The following CDYL2 variants were observed in gnomAD, a reference collection of about 807,000 sequenced individuals.
CDYL2 encodes chromodomain Y like 2, also known as chromodomain Y-like protein 2.
In CDYL2, 23 loss-of-function variants were observed where a neutral mutation model predicts 49.4. That is an observed-to-expected ratio of 0.47 (90% CI 0.34 to 0.66). CDYL2 has a LOEUF of 0.66. Among genes scored for constraint, CDYL2 ranks in the 30% least tolerant of loss-of-function variants. The probability of loss-of-function intolerance (pLI) is 0.01; values close to 1 mark genes in which losing one functional copy is unlikely to be tolerated. For missense variants in CDYL2, 678 were observed against 656.4 expected (o/e 1.03, Z -0.36); for synonymous variants, 360 against 268.8 (o/e 1.34, Z -3.32).
At chr16:80,756,047 T>G (rs948408765) in intron 1 of CDYL2, among the ~76,000 whole-genome samples, 11 of 152,106 alleles carry the variant, frequency 7.2e-5, no homozygotes, top group Admixed American at 3.3e-4. Context: ...ACACACATAA[T>G]AATTCATAAT....
chr16:80,691,730 G>T (rs1013223647), intron 1 of CDYL2, among the ~76,000 whole-genome samples: 1 of 152,006 alleles, frequency 6.6e-6, no homozygotes, highest in African/African-American at 2.4e-5. Context: ...TAGTATTTGT[G>T]GTGTGTCTTC....
At chr16:80,649,395 A>C (rs1244364962) in intron 2 of CDYL2, among the ~76,000 whole-genome samples, 2 of 152,168 alleles carry the variant, frequency 1.3e-5, no homozygotes, top group Non-Finnish European at 2.9e-5. Flanking sequence ...ATAGCCACAA[A>C]TAAAATTAAA....
chr16:80,702,218 A>ACACACAC, intron 1 of CDYL2, among the ~76,000 whole-genome samples: 1 of 151,492 alleles, frequency 6.6e-6, no homozygotes, highest in African/African-American at 2.4e-5. Flanking sequence ...ACACACACAC[A>ACACACAC]AAACTATAAA....
intron 1 of CDYL2, among the ~76,000 whole-genome samples, chr16:80,689,712 A>G (rs1198124364): frequency 6.6e-6 from 1 of 152,244 alleles, no homozygotes; most frequent in African/African-American, 2.4e-5. Context: ...GATCACTGAT[A>G]CGCGAGGCAC....
chr16:80,630,012 G>A (rs1481155218), intron 3 of CDYL2, among the ~76,000 whole-genome samples: 2 of 152,160 alleles, frequency 1.3e-5, no homozygotes, highest in Admixed American at 1.3e-4. Context: ...ACTTCCCAAG[G>A]TAACAGCATG....
At chr16:80,753,944 C>G (rs1906222816) in intron 1 of CDYL2, among the ~76,000 whole-genome samples, 1 of 152,056 alleles carries the variant, frequency 6.6e-6, no homozygotes, top group South Asian at 2.1e-4. Flanking sequence ...GGTAAAAAAC[C>G]AGGTTTGTGG....
intron 1 of CDYL2, among the ~76,000 whole-genome samples, chr16:80,766,044 G>A (rs1263689250): frequency 6.6e-6 from 1 of 151,878 alleles, no homozygotes; most frequent in Admixed American, 6.6e-5. Flanking sequence ...CATAGAGACG[G>A]AAAGTAGATT....
chr16:80,781,578 C>A (rs1172060995), intron 1 of CDYL2, among the ~76,000 whole-genome samples: 1 of 152,108 alleles, frequency 6.6e-6, no homozygotes, highest in East Asian at 1.9e-4. Flanking sequence ...AACAACAGAG[C>A]ATACATTCTT....
chr16:80,696,157 G>A (rs927453172), intron 1 of CDYL2, among the ~76,000 whole-genome samples: 3 of 152,160 alleles, frequency 2.0e-5, no homozygotes, highest in African/African-American at 7.2e-5. Context: ...CAATGAGTCA[G>A]TGAAGAAATT....
chr16:80,645,704 C>T (rs1908309672), intron 2 of CDYL2, among the ~76,000 whole-genome samples: 1 of 151,924 alleles, frequency 6.6e-6, no homozygotes, highest in South Asian at 2.1e-4. Context: ...ACTGTGGCAC[C>T]ATTCACAATA....
At chr16:80,750,131 T>C (rs563986936) in intron 1 of CDYL2, among the ~76,000 whole-genome samples, 4 of 152,216 alleles carry the variant, frequency 2.6e-5, no homozygotes, top group Non-Finnish European at 5.9e-5. Flanking sequence ...ATATACCTAA[T>C]GTAAATGACA....
intron 1 of CDYL2, among the ~76,000 whole-genome samples, chr16:80,720,485 G>C (rs2142524381): frequency 6.6e-6 from 1 of 152,304 alleles, no homozygotes; most frequent in Middle Eastern, 3.4e-3. Flanking sequence ...ACTCCAACAG[G>C]AAATACTCTA....
At chr16:80,760,801 A>G (rs1162935721) in intron 1 of CDYL2, among the ~76,000 whole-genome samples, 1 of 151,834 alleles carries the variant, frequency 6.6e-6, no homozygotes, top group Non-Finnish European at 1.5e-5. Context: ...AAATTAGAGC[A>G]AGAACATTCA....
At chr16:80,617,471 T>C (rs1315815466) in intron 4 of CDYL2, among the ~76,000 whole-genome samples, 1 of 152,240 alleles carries the variant, frequency 6.6e-6, no homozygotes, top group Admixed American at 6.5e-5. Flanking sequence ...ATCAAGCTCC[T>C]TTCAATGACA....
chr16:80,654,986 T>A (rs933263145), intron 2 of CDYL2, among the ~76,000 whole-genome samples: 10 of 152,266 alleles, frequency 6.6e-5, no homozygotes, highest in Admixed American at 1.3e-4. Context: ...TGGCTGTGGT[T>A]TCTGCAGCGG....
In CDYL2 at chr16:80,741,818, C is replaced by CG. The variant is rs557080870; in HGVS notation, c.25-56690dup. Among the ~76,000 whole-genome samples the CG allele has an allele frequency of 1.7e-3, 263 of 152,304 alleles. 2 individuals are homozygous for CG. The highest frequency in any genetic ancestry group is 6.0e-3 in the African/African-American group (249 of 41,560). On this transcript the variant is annotated intron_variant, in intron 1 of 6. Coordinates refer to ENST00000570137, the MANE Select transcript of CDYL2 (RefSeq NM_152342.4). ...TTCAGGTAAAATGGGCATTCTCATA[C>CG]GGGGGAGCTGTTAATGTTGGACTAA...
chr16:80,725,841 C>A (rs924522562), intron 1 of CDYL2, among the ~76,000 whole-genome samples: 1 of 152,194 alleles, frequency 6.6e-6, no homozygotes, highest in African/African-American at 2.4e-5. Context: ...AGGGAATCCC[C>A]ATTTTTTTCA....
intron 1 of CDYL2, among the ~76,000 whole-genome samples, chr16:80,722,933 T>G (rs1459715537): frequency 6.6e-6 from 1 of 152,190 alleles, no homozygotes; most frequent in Admixed American, 6.5e-5. Context: ...AAGAGAAGAC[T>G]CGGGAGTTGG....
chr16:80,644,070 G>C (rs2142408961), intron 2 of CDYL2, among the ~76,000 whole-genome samples: 1 of 152,276 alleles, frequency 6.6e-6, no homozygotes, highest in Non-Finnish European at 1.5e-5. Context: ...GCTTTTAACA[G>C]CACCCAAGTC....
Sources: gnomAD v4.1 joint callset for allele counts (sites outside exome capture counted in the v4.1 genomes callset) on GRCh38, gnomAD v4.1.1 for gene constraint, MANE v1.5 for transcripts, NCBI Gene and HGNC (gene_info 2026-07-23, HGNC 2026-07-21) for gene names.